The following BTG4 variants were observed in gnomAD, a reference collection of about 807,000 sequenced individuals.
The protein encoded by BTG4 is protein BTG4.
BTG4 carries 10 observed loss-of-function variants against 19.3 expected under a neutral mutation model. The ratio of observed to expected loss-of-function variants is 0.52; its 90% CI spans 0.32 to 0.88. BTG4 has a LOEUF of 0.88. BTG4 is among the 40% of genes least tolerant of loss of function. The pLI is 0.04. For missense variants in BTG4, 238 were observed against 281.9 expected (o/e 0.84, Z 1.11); for synonymous variants, 91 against 95.7 (o/e 0.95, Z 0.29).
chr11:111,481,639 T>A (rs1864748479), intron 5 of BTG4, among the ~76,000 whole-genome samples: 1 of 151,844 alleles, frequency 6.6e-6, no homozygotes, highest in Admixed American at 6.6e-5. Flanking sequence ...CAAGTTGGGT[T>A]TATTTCATGG....
At chr11:111,511,202 C>A (rs577343930) in intron 1 of BTG4, among the ~76,000 whole-genome samples, 4 of 152,206 alleles carry the variant, frequency 2.6e-5, no homozygotes, top group Non-Finnish European at 5.9e-5. Context: ...TTAATTTTTA[C>A]AATTAACATT....
At chr11:111,399,128 A>G in the BTG4 span, 28 of 152,306 alleles carry the variant, frequency 1.8e-4, no homozygotes, top group African/African-American at 6.3e-4. Flanking sequence ...GGGTTGCCCA[A>G]TCTGTGGAAG....
the BTG4 span, among the ~76,000 whole-genome samples, chr11:111,444,182 GGT>G: frequency 7.6e-3 from 995 of 131,490 alleles, 11 homozygotes; most frequent in South Asian, 0.035. Context: ...TACCCTGAGG[GGT>G]GTGTGTGTGT....
At chr11:111,511,785 G>A (rs1466905253) in intron 1 of BTG4, among the ~76,000 whole-genome samples, 1 of 152,166 alleles carries the variant, frequency 6.6e-6, no homozygotes, top group African/African-American at 2.4e-5. Context: ...AAATGTACTC[G>A]TGCATCAAGG....
At chr11:111,503,345 T>C in intron 1 of BTG4, among the ~76,000 whole-genome samples, 1 of 152,334 alleles carries the variant, frequency 6.6e-6, no homozygotes, top group Non-Finnish European at 1.5e-5. Context: ...TAATGTCCAC[T>C]GACAAGATGT....
Position 111,497,254 on chromosome 11 carries a change from G to T in BTG4, c.467C>A (p.Pro156His). ...SCDEESCSKE[P>H]RVIPKVSNPK... ...ATTGCTGACTTTAGGAATGACACGAGGTTCCTTGCTACAACTTTCTTCATC... is the reference window on the plus strand; with the variant it reads ...ATTGCTGACTTTAGGAATGACACGATGTTCCTTGCTACAACTTTCTTCATC... The change falls in exon 4 of 5, where the codon CCT becomes CAT. Residue 156 changes from proline (P) to histidine (H), a missense_variant. Pro to His is a moderately conservative substitution (Grantham distance 77). Transcript: ENST00000692032. 6.2e-7 allele frequency: 1 copy of T among 1,613,122 alleles called. No homozygotes were observed. The highest frequency in any genetic ancestry group is 8.5e-7 in the Non-Finnish European group (1 of 1,179,574).
the BTG4 span, among the ~76,000 whole-genome samples, chr11:111,386,874 T>C: frequency 5.3e-5 from 8 of 152,202 alleles, no homozygotes; most frequent in Admixed American, 5.2e-4. Context: ...ATGTATATCA[T>C]TTCATTCTTA....
the BTG4 span, among the ~76,000 whole-genome samples, chr11:111,394,807 T>A: frequency 6.6e-6 from 1 of 151,986 alleles, no homozygotes; most frequent in Non-Finnish European, 1.5e-5. Flanking sequence ...CATCTGGTGA[T>A]AAAAACGACT....
intron 1 of BTG4, among the ~76,000 whole-genome samples, chr11:111,507,192 T>G (rs1866516214): frequency 6.6e-6 from 1 of 152,122 alleles, no homozygotes; most frequent in African/African-American, 2.4e-5. Context: ...AATCAATTAA[T>G]TAGCAGGATA....
chr11:111,384,102 T>G, the BTG4 span, among the ~76,000 whole-genome samples: 1 of 152,222 alleles, frequency 6.6e-6, no homozygotes, highest in South Asian at 2.1e-4. Flanking sequence ...AACTGTTTTA[T>G]TTATTCTAAT....
the BTG4 span, among the ~76,000 whole-genome samples, chr11:111,458,394 C>A: frequency 6.6e-6 from 1 of 152,150 alleles, no homozygotes; most frequent in Non-Finnish European, 1.5e-5. Flanking sequence ...GACTTCATAC[C>A]CCGACCCCAT....
chr11:111,422,133 G>GT, the BTG4 span, among the ~76,000 whole-genome samples: 1 of 152,120 alleles, frequency 6.6e-6, no homozygotes, highest in African/African-American at 2.4e-5. Flanking sequence ...AAGCCAGTCT[G>GT]TTTTTTTATC....
chr11:111,450,660 C>T, the BTG4 span: 1 of 152,244 alleles, frequency 6.6e-6, no homozygotes, highest in Non-Finnish European at 1.5e-5. Context: ...CACGTGCAAA[C>T]CAGGCTGAAC....
chr11:111,416,297 C>T, the BTG4 span: 1 of 151,946 alleles, frequency 6.6e-6, no homozygotes, highest in African/African-American at 2.4e-5. Context: ...GGCCTCTCTT[C>T]CTCTCTCTCC....
chr11:111,432,178 C>G, the BTG4 span, among the ~76,000 whole-genome samples: 1 of 152,178 alleles, frequency 6.6e-6, no homozygotes, highest in African/African-American at 2.4e-5. Context: ...GAGCCCTGCC[C>G]TCAGGTAGCT....
chr11:111,403,424 G>A, the BTG4 span, among the ~76,000 whole-genome samples: 2 of 152,158 alleles, frequency 1.3e-5, no homozygotes, highest in Non-Finnish European at 2.9e-5. Flanking sequence ...TTGTTCATGG[G>A]CTAAGGTCTC....
intron 1 of BTG4, among the ~76,000 whole-genome samples, chr11:111,501,246 C>T (rs1565471000): frequency 6.6e-6 from 1 of 152,024 alleles, no homozygotes; most frequent in Admixed American, 6.6e-5. Flanking sequence ...TACCTGTAGC[C>T]CTAGCTACTC....
At chr11:111,430,978 C>T in the BTG4 span, among the ~76,000 whole-genome samples, 6 of 152,340 alleles carry the variant, frequency 3.9e-5, no homozygotes, top group South Asian at 2.1e-4. Flanking sequence ...GCAGTCACCA[C>T]GTATACAAAA....
intron 1 of BTG4, among the ~76,000 whole-genome samples, chr11:111,499,044 T>A (rs1415181279): frequency 1.3e-5 from 2 of 152,160 alleles, no homozygotes; most frequent in Non-Finnish European, 2.9e-5. Flanking sequence ...AAAGTCTTTT[T>A]AAAATTTTAA....
Sources: gnomAD v4.1 joint callset for allele counts (sites outside exome capture counted in the v4.1 genomes callset) on GRCh38, gnomAD v4.1.1 for gene constraint, MANE v1.5 for transcripts, NCBI Gene and HGNC (gene_info 2026-07-23, HGNC 2026-07-21) for gene names.